Variants in MAP3K21 observed in about 807,000 individuals in gnomAD.
MAP3K21 encodes the protein mitogen-activated protein kinase kinase kinase MLK4.
In MAP3K21, 63 loss-of-function variants were observed where a neutral mutation model predicts 86.1. That is an observed-to-expected ratio of 0.73 (90% confidence interval 0.60 to 0.90). MAP3K21 has a LOEUF of 0.90. Among genes scored for constraint, MAP3K21 ranks in the 40% least tolerant of loss-of-function variants. MAP3K21 has a pLI of 0.00. For missense variants in MAP3K21, 1,220 were observed against 1,367.7 expected (o/e 0.89, Z 1.70); for synonymous variants, 558 against 564.8 (o/e 0.99, Z 0.17).
intron 1 of MAP3K21, among the ~76,000 whole-genome samples, chr1:233,330,750 T>C (rs1399031353): frequency 6.6e-6 from 1 of 152,216 alleles, no homozygotes; most frequent in Non-Finnish European, 1.5e-5. Flanking sequence ...CCTATAGCTA[T>C]TACTTTTACA....
rs1257287685 is a variant in MAP3K21 at position 233,328,662 on chromosome 1, C to T, written c.634C>T (p.Leu212=). Residue 212 remains leucine, a synonymous_variant, in exon 1 of 10, where the codon CTG becomes TTG. Transcript: ENST00000366624. The surrounding 1 kb of genome is among the most constrained non-coding windows in gnomAD (Gnocchi z 8.7). ...FARGGALNRA[L]AAANAAPDPR... ...CCGCGGCGGAGCGCTCAACCGAGCG[C>T]TGGCCGCTGCCAACGCCGCCCCGGA... 7.4e-7 allele frequency: 1 copy of T among 1,344,082 alleles called. No homozygotes were observed. Among genetic ancestry groups the T allele is most frequent in the Non-Finnish European group, 9.5e-7 (1 of 1,050,050 alleles). The allele number at this position is 1,344,082 out of a possible 1,614,324, so 83.3% of individuals were successfully genotyped here. A position where few individuals can be genotyped will look rare whatever the true frequency, so the allele number is the denominator to read the frequency against.
At chr1:233,355,074 G>A (rs1016972817) in intron 4 of MAP3K21, 63 bp downstream of exon 4, 127 of 1,233,114 alleles carry the variant, frequency 1.0e-4, no homozygotes, top group Middle Eastern at 2.1e-4. Context: ...AAAATATGAG[G>A]CAAGAAGCAC....
chr1:233,379,391 G>A lies in MAP3K21; in HGVS notation c.2385G>A (p.Leu795=), dbSNP rs753304446. The change falls in exon 9 of 10, where the codon CTG becomes CTA. Residue 795 remains leucine, a synonymous_variant. Coordinates refer to ENST00000366624, the MANE Select transcript of MAP3K21 (RefSeq NM_032435.3). The stretch of plus-strand genomic sequence containing the variant: ...CCAGCAGCCCACCCTCCCTGCCACT[G>A]TCAAGTGCCCTGGGCATCCTCTCCA... ...GEASSPPSLP[L]SSALGILSTP... The A allele has an allele frequency of 1.9e-6, 3 of 1,614,096 alleles. No individual in the cohort carries two copies. The highest frequency in any genetic ancestry group is 8.5e-7 in the Non-Finnish European group (1 of 1,180,046).
chr1:233,354,813 A>G, intron 3 of MAP3K21, 23 bp from the exon 4 acceptor site: 2 of 1,170,278 alleles, frequency 1.7e-6, no homozygotes, highest in Non-Finnish European at 2.3e-6. Context: ...AGATGGTATT[A>G]ATGTGATTTT....
Position 233,328,533 on chromosome 1 carries a change from C to A in MAP3K21, c.505C>A (p.Arg169=), listed in dbSNP as rs1558447292. 1 of 1,531,262 alleles carries A rather than the reference C, an allele frequency of 6.5e-7. No individual in the cohort carries two copies. Among genetic ancestry groups the A allele is most frequent in the Admixed American group, 1.9e-5 (1 of 51,742 alleles). The allele number at this position is 1,531,262 out of a possible 1,614,324, so 94.9% of individuals were successfully genotyped here. The change falls in exon 1 of 10, where the codon CGG becomes AGG. Residue 169 remains arginine (R), a synonymous_variant. Transcript: ENST00000366624. This position sits in a 1 kb window ranked among gnomAD's most constrained non-coding sequence, Gnocchi z 8.7. ...CGCGGCGGCGGCTGCCGAGAGCGTG[C>A]GGCGCGAGGCTCGGCTCTTCGCCAT... ...QDAAAAAESV[R]REARLFAMLR...
intron 1 of MAP3K21, among the ~76,000 whole-genome samples, chr1:233,341,820 A>G (rs974277221): frequency 6.6e-6 from 1 of 152,148 alleles, no homozygotes; most frequent in Non-Finnish European, 1.5e-5. Context: ...GTTTGTAAGA[A>G]TGAGGAGATA....
chr1:233,356,744 A>G (rs573147214), intron 4 of MAP3K21, among the ~76,000 whole-genome samples: 21 of 152,364 alleles, frequency 1.4e-4, no homozygotes, highest in African/African-American at 4.8e-4. Context: ...TACGCAATGC[A>G]AAAATGTATA....
At chr1:233,360,102 C>T (rs1448177409) in intron 4 of MAP3K21, among the ~76,000 whole-genome samples, 2 of 152,124 alleles carry the variant, frequency 1.3e-5, no homozygotes, top group Non-Finnish European at 2.9e-5. Flanking sequence ...CTTTCTCATG[C>T]CATCTCATTT....
intron 8 of MAP3K21, among the ~76,000 whole-genome samples, chr1:233,378,207 T>C (rs1412515142): frequency 6.6e-6 from 1 of 152,220 alleles, no homozygotes; most frequent in Non-Finnish European, 1.5e-5. Flanking sequence ...ATTAATGAGT[T>C]TGTTGTTTAA....
rs1194456075 is a variant in MAP3K21, at chr1:233,328,348, C to T, written c.320C>T (p.Ala107Val). 1 of 1,467,884 alleles carries T rather than the reference C, an allele frequency of 6.8e-7. No individual in the cohort carries two copies. Among genetic ancestry groups the T allele is most frequent in the Non-Finnish European group, 8.9e-7 (1 of 1,118,690 alleles). 90.9% of individuals were successfully genotyped at this position (1,467,884 alleles called of 1,614,324 possible). A position where few individuals can be genotyped will look rare whatever the true frequency, so the allele number is the denominator to read the frequency against. ...CCCTGCCGCCCGGCCGCCAGCCCCG[C>T]GCCGCCGCCCTCGCGGCCCAGCTCC... ...VAPCRPAASP[A>V]PPPSRPSSPV... is the part of the protein sequence containing the mutation. Residue 107 changes from alanine (A) to valine (V), a missense_variant, in exon 1 of 10, where the codon GCG (alanine) becomes GTG (valine). Physicochemically the swap from Ala to Val is moderately conservative, Grantham distance 64. Transcript: ENST00000366624. This position sits in a 1 kb window ranked among gnomAD's most constrained non-coding sequence, Gnocchi z 8.7.
intron 1 of MAP3K21, among the ~76,000 whole-genome samples, chr1:233,333,961 C>T (rs1349257030): frequency 3.9e-5 from 6 of 152,280 alleles, no homozygotes; most frequent in African/African-American, 1.4e-4. Flanking sequence ...CTCCCGGGTT[C>T]ACGCCATTCT....
rs913038876 is a variant in MAP3K21 at position 233,379,144 on chromosome 1, C to T, written c.2138C>T (p.Ser713Phe). 3.7e-6 allele frequency: 6 copies of T among 1,614,048 alleles called. No individual in the cohort carries two copies. The African/African-American group carries it at 5.3e-5, about 14-fold the overall frequency. ...EMTPTNSLSRSPQRKKTESAL... is the reference protein window; with the variant it reads ...EMTPTNSLSRFPQRKKTESAL... ...ACTCCTACGAATAGTCTGAGTAGAT[C>T]CCCCCAGAGAAAGAAAACGGAGTCA... The change falls in exon 9 of 10, where the codon TCC (serine) becomes TTC (phenylalanine). Residue 713 changes from serine to phenylalanine, a missense_variant. Around this residue, in one of 5 missense-constraint regions of MAP3K21, gnomAD observed 632 missense variants for 691.3 expected, o/e 0.91. Coordinates refer to ENST00000366624, the MANE Select transcript of MAP3K21 (RefSeq NM_032435.3).
chr1:233,367,199 A>G (rs1446863431), intron 5 of MAP3K21, among the ~76,000 whole-genome samples: 3 of 152,212 alleles, frequency 2.0e-5, no homozygotes, highest in African/African-American at 7.2e-5. Flanking sequence ...AAGCCTGCAA[A>G]AACCATCTAC....
Position 233,354,979 on chromosome 1 carries a change from C to T in MAP3K21, c.1279C>T (p.Gln427Ter). The T allele has an allele frequency of 1.2e-6, 2 of 1,613,742 alleles. No individual in the cohort carries two copies. Among genetic ancestry groups the T allele is most frequent in the Non-Finnish European group, 1.7e-6 (2 of 1,179,810 alleles). The change falls in exon 4 of 10, where the codon CAA becomes TAA. Residue 427 changes from glutamine (Q) to a stop codon, truncating the protein, a stop_gained. Transcript: ENST00000366624. LOFTEE classifies it high-confidence loss of function. ...MQDDWKLEIQ[Q>*]MFDELRTKEK... ...AGATGACTGGAAACTAGAAATTCAA[C>T]AAATGTTTGATGAGTTGAGAACAAA...
intron 9 of MAP3K21, among the ~76,000 whole-genome samples, chr1:233,380,759 T>A (rs559682595): frequency 1.3e-4 from 20 of 152,218 alleles, no homozygotes; most frequent in Non-Finnish European, 2.8e-4. Context: ...GCAACTCTAT[T>A]ATATGCAAGA....
At chr1:233,352,842 TA>T (rs1395646418) in intron 2 of MAP3K21, among the ~76,000 whole-genome samples, 1 of 152,242 alleles carries the variant, frequency 6.6e-6, no homozygotes, top group African/African-American at 2.4e-5. Context: ...TAACAAAAGA[TA>T]TCTGCGTGTA....
At chr1:233,333,350 C>G (rs1165524263) in intron 1 of MAP3K21, among the ~76,000 whole-genome samples, 1 of 152,180 alleles carries the variant, frequency 6.6e-6, no homozygotes, top group Non-Finnish European at 1.5e-5. Context: ...TCTACATCTG[C>G]TTTTGAAACA....
At chr1:233,336,053 CT>C (rs1449091436) in intron 1 of MAP3K21, among the ~76,000 whole-genome samples, 2 of 152,208 alleles carry the variant, frequency 1.3e-5, no homozygotes, top group East Asian at 3.8e-4. Flanking sequence ...GAATGACACT[CT>C]TTAGCAGTAG....
intron 2 of MAP3K21, 76 bp downstream of exon 2, chr1:233,346,698 T>G (rs921826568): frequency 7.8e-7 from 1 of 1,287,892 alleles, no homozygotes; most frequent in African/African-American, 1.5e-5. Flanking sequence ...AAGTATTCAG[T>G]AATTCTCAGC....
Sources: allele counts gnomAD v4.1 joint callset (sites outside exome capture counted in the v4.1 genomes callset), GRCh38; gene constraint gnomAD v4.1.1; regional missense constraint gnomAD v4.1.1; non-coding constraint Gnocchi (gnomAD v3.1); transcripts MANE v1.5; gene names NCBI Gene and HGNC (gene_info 2026-07-23, HGNC 2026-07-21).